Variants in ZC3H18 observed in about 807,000 individuals in gnomAD.
ZC3H18 encodes the protein zinc finger CCCH-type containing 18, also known as zinc finger CCCH domain-containing protein 18.
Under a neutral mutation model 106.1 loss-of-function variants are expected in ZC3H18, and 8 were observed. The ratio of observed to expected loss-of-function variants is 0.08; its 90% confidence interval spans 0.04 to 0.14. ZC3H18 has a LOEUF of 0.14. Ranked by LOEUF, ZC3H18 falls within the 10% of genes least tolerant of loss-of-function variation. The pLI is 1.00. For missense variants in ZC3H18, 1,318 were observed against 1,278.4 expected (o/e 1.03, Z -0.47); for synonymous variants, 635 against 522.1 (o/e 1.22, Z -2.95).
Position 88,577,330 on chromosome 16 carries a change from G to C in ZC3H18, c.207G>C (p.Glu69Asp), listed in dbSNP as rs140465605. The C allele has an allele frequency of 3.5e-5, 56 of 1,608,852 alleles. No individual in the cohort carries two copies. The highest frequency in any genetic ancestry group is 4.5e-5 in the Non-Finnish European group (53 of 1,177,050). Residue 69 changes from glutamate (E) to aspartate (D), a missense_variant, in exon 2 of 18, where the codon GAG becomes GAC. Glu to Asp is a conservative substitution (Grantham distance 45). Transcript: ENST00000301011. ...SQEEEDNHSD[E>D]EDRASEPKSQ... is the part of the protein sequence containing the mutation. ...AGGAGGAAGATAATCACTCCGACGAGGAGGACCGGGCAAGTGAGCCTAAAT... is the reference window on the plus strand; with the variant it reads ...AGGAGGAAGATAATCACTCCGACGACGAGGACCGGGCAAGTGAGCCTAAAT...
At chr16:88,587,873 C>T (rs1222219178) in intron 3 of ZC3H18, among the ~76,000 whole-genome samples, 2 of 152,306 alleles carry the variant, frequency 1.3e-5, no homozygotes, top group Admixed American at 6.5e-5. Context: ...CAGCCGGGAA[C>T]GCCCCTGTGC....
chr16:88,627,174 ATTTTT>A lies in ZC3H18; in HGVS notation c.2109-445_2109-441del, dbSNP rs953366371. ...AACCTCCACCTCCCGGGTTCAAGCG[ATTTTT>A]TTGCCTCAGCCTCCCCAGTAGCTGG... On this transcript the variant is annotated intron_variant, in intron 13 of 17. Coordinates refer to ENST00000301011, the MANE Select transcript of ZC3H18 (RefSeq NM_144604.4). This position sits in a 1 kb window ranked among gnomAD's most constrained non-coding sequence, Gnocchi z 4.5. 1.3e-5 allele frequency: 2 copies of A among 154,070 alleles called. No individual in the cohort carries two copies. The highest frequency in any genetic ancestry group is 4.8e-5 in the African/African-American group (2 of 41,420). 9.5% of individuals were successfully genotyped at this position (154,070 alleles called of 1,614,324 possible).
chr16:88,612,409 C>T (rs188296562), intron 8 of ZC3H18, among the ~76,000 whole-genome samples: 1 of 151,662 alleles, frequency 6.6e-6, no homozygotes, highest in Non-Finnish European at 1.5e-5. Context: ...CTCACACTTG[C>T]ACCCTGCACT....
chr16:88,615,995 C>T (rs1027874138), intron 8 of ZC3H18, among the ~76,000 whole-genome samples: 1 of 152,198 alleles, frequency 6.6e-6, no homozygotes, highest in Non-Finnish European at 1.5e-5. Context: ...GGCAGATTCC[C>T]GACTGCTGTG....
intron 1 of ZC3H18, among the ~76,000 whole-genome samples, chr16:88,570,936 C>A (rs921087949): frequency 6.6e-6 from 1 of 152,260 alleles, no homozygotes; most frequent in South Asian, 2.1e-4. Context: ...CCCAGATTCA[C>A]CTCCAGAGTA....
intron 3 of ZC3H18, among the ~76,000 whole-genome samples, chr16:88,592,913 T>TA (rs1445163050): frequency 6.6e-6 from 1 of 152,204 alleles, no homozygotes; most frequent in Non-Finnish European, 1.5e-5. Context: ...AAGTTCTTTT[T>TA]AAAAAACTTT....
intron 11 of ZC3H18, chr16:88,624,382 CT>C (rs1851110827): frequency 1.3e-6 from 1 of 742,716 alleles, no homozygotes; most frequent in Non-Finnish European, 2.2e-6. Flanking sequence ...TAGCTCTTGC[CT>C]GTTAGAGGGG....
At chr16:88,613,259 T>C (rs1466410843) in intron 8 of ZC3H18, among the ~76,000 whole-genome samples, 2 of 152,248 alleles carry the variant, frequency 1.3e-5, no homozygotes, top group Non-Finnish European at 2.9e-5. Flanking sequence ...TGTTCGTCTG[T>C]TGATGGACGT....
At chr16:88,592,655 G>A (rs1043037725) in intron 3 of ZC3H18, among the ~76,000 whole-genome samples, 4 of 152,028 alleles carry the variant, frequency 2.6e-5, no homozygotes, top group Admixed American at 6.6e-5. Flanking sequence ...TTGTATTTTA[G>A]TAGTGGCTAA....
At chr16:88,622,689 C>A in intron 9 of ZC3H18, 1 of 398,502 alleles carries the variant, frequency 2.5e-6, no homozygotes, top group Non-Finnish European at 4.6e-6. Context: ...GGAGGACGCA[C>A]AGACCTGGGG....
Position 88,631,474 on chromosome 16 carries a change from A to G in ZC3H18, c.*175A>G. 3 of 849,646 alleles carry G rather than the reference A, an allele frequency of 3.5e-6. No individual in the cohort carries two copies. The highest frequency in any genetic ancestry group is 5.5e-6 in the Non-Finnish European group (3 of 541,932). The allele number at this position is 849,646 out of a possible 1,614,324, so 52.6% of individuals were successfully genotyped here. ...GGAAATGACAACGACGCTGAATCCCAGCCTCCCTCCCCAGAGCAGAAGTCC... is the reference window on the plus strand; with the variant it reads ...GGAAATGACAACGACGCTGAATCCCGGCCTCCCTCCCCAGAGCAGAAGTCC... On this transcript the variant is annotated 3_prime_UTR_variant, in exon 18 of 18. Transcript: ENST00000301011.
chr16:88,610,012 C>T (rs570747030), intron 7 of ZC3H18, among the ~76,000 whole-genome samples: 9 of 152,150 alleles, frequency 5.9e-5, no homozygotes, highest in African/African-American at 1.7e-4. Flanking sequence ...TCAGTGATCC[C>T]GTTTAGGATG....
intron 13 of ZC3H18, chr16:88,625,493 CAA>C: frequency 1.7e-6 from 1 of 582,072 alleles, no homozygotes; most frequent in Non-Finnish European, 3.0e-6. Flanking sequence ...AAAAGATTCA[CAA>C]ACTCGGGGGC....
At chr16:88,589,322 A>G (rs1915610681) in intron 3 of ZC3H18, among the ~76,000 whole-genome samples, 1 of 152,232 alleles carries the variant, frequency 6.6e-6, no homozygotes. Context: ...TATGCAGCCA[A>G]GAGAAACGGA....
chr16:88,597,477 C>G (rs147511665), intron 3 of ZC3H18, among the ~76,000 whole-genome samples: 1 of 152,224 alleles, frequency 6.6e-6, no homozygotes, highest in African/African-American at 2.4e-5. Context: ...TACACATTAT[C>G]TATTCCCAAA....
In ZC3H18 at chr16:88,623,453, C is replaced by T. The variant is rs1906097777; in HGVS notation, c.1793+109C>T. The stretch of plus-strand genomic sequence containing the variant: ...GTAGCCCCTTGGGGTATTGAAGGTC[C>T]CTGCTGGCAGCTGAACTAGGATGGC... On this transcript the variant is annotated intron_variant, in intron 10 of 17. Transcript: ENST00000301011. 23 of 1,439,314 alleles carry T rather than the reference C, an allele frequency of 1.6e-5. 1 individual carries two copies. The highest frequency in any genetic ancestry group is 2.7e-5 in the South Asian group (2 of 75,318). The allele number at this position is 1,439,314 out of a possible 1,614,324, so 89.2% of individuals were successfully genotyped here.
At chr16:88,624,787 C>T (rs1174404957) in intron 12 of ZC3H18, 42 bp downstream of exon 12, 2 of 1,570,108 alleles carry the variant, frequency 1.3e-6, no homozygotes, top group Non-Finnish European at 1.7e-6. Context: ...TTTCCGTGTT[C>T]TTGGTGCCAC....
chr16:88,597,087 A>G (rs1352031696), intron 3 of ZC3H18, among the ~76,000 whole-genome samples: 1 of 152,076 alleles, frequency 6.6e-6, no homozygotes, highest in Non-Finnish European at 1.5e-5. Context: ...CGTCCGGCTA[A>G]TTTTTTGTAT....
rs755385009 is a variant in ZC3H18 at position 88,624,025 on chromosome 16, A to G, written c.1861A>G (p.Thr621Ala). The change falls in exon 11 of 18, where the codon ACC becomes GCC. Residue 621 changes from threonine to alanine, a missense_variant. Thr to Ala is a moderately conservative substitution (Grantham distance 58, BLOSUM62 0). This residue lies in a region of ZC3H18 where 848 missense variants were observed against 821.7 expected (regional missense o/e 1.03). Coordinates refer to ENST00000301011, the MANE Select transcript of ZC3H18 (RefSeq NM_144604.4). ...TTCCCCACATAGACCTTCCATCAGA[A>G]CCAAGGGAGAGCCGGCCCCGCCGCC... ...TPSPHRPSIR[T>A]KGEPAPPPGK... 1.2e-6 allele frequency: 2 copies of G among 1,613,870 alleles called. No homozygotes were observed. The highest frequency in any genetic ancestry group is 3.3e-5 in the Admixed American group (2 of 60,008).
Sources: gnomAD v4.1 joint callset for allele counts (sites outside exome capture counted in the v4.1 genomes callset) on GRCh38, gnomAD v4.1.1 for gene constraint, gnomAD v4.1.1 regional missense constraint, Gnocchi (gnomAD v3.1) non-coding constraint, MANE v1.5 for transcripts, NCBI Gene and HGNC (gene_info 2026-07-23, HGNC 2026-07-21) for gene names.